The following STXBP5L variants were observed in gnomAD, a reference collection of about 807,000 sequenced individuals.
The protein encoded by STXBP5L is syntaxin binding protein 5L.
In STXBP5L, 65 loss-of-function variants were observed where a neutral mutation model predicts 144.5. The ratio of observed to expected loss-of-function variants is 0.45; its 90% CI spans 0.37 to 0.55. STXBP5L has a LOEUF of 0.55. Among genes scored for constraint, STXBP5L ranks in the 20% least tolerant of loss-of-function variants. The pLI, the probability that STXBP5L is intolerant of heterozygous loss-of-function variation, is 0.00. For missense variants in STXBP5L, 1,298 were observed against 1,405.5 expected (o/e 0.92, Z 1.22); for synonymous variants, 505 against 469.6 (o/e 1.08, Z -0.97).
intron 2 of STXBP5L, among the ~76,000 whole-genome samples, chr3:120,916,365 G>A (rs1253552265): frequency 1.3e-5 from 2 of 152,048 alleles, no homozygotes; most frequent in Admixed American, 6.5e-5. Context: ...CAATGGTGCA[G>A]TCTTGGCTCA....
chr3:121,107,267 G>A (rs1046548863), intron 5 of STXBP5L, among the ~76,000 whole-genome samples: 4 of 152,024 alleles, frequency 2.6e-5, no homozygotes, highest in Non-Finnish European at 5.9e-5. Context: ...TGCTTTTGAT[G>A]TTTTCATCAT....
At chr3:121,014,897 A>G (rs1329147338) in intron 3 of STXBP5L, among the ~76,000 whole-genome samples, 2 of 152,202 alleles carry the variant, frequency 1.3e-5, no homozygotes, top group African/African-American at 4.8e-5. Flanking sequence ...TTGAAAAACT[A>G]AATAAAAATT....
intron 20 of STXBP5L, among the ~76,000 whole-genome samples, chr3:121,320,701 CTTTTT>C (rs533248342): frequency 1.5e-5 from 2 of 134,888 alleles, no homozygotes; most frequent in Non-Finnish European, 3.2e-5. Context: ...AACGACCACA[CTTTTT>C]TTTTTTTTTT....
At chr3:121,331,423 G>A (rs934137782) in intron 20 of STXBP5L, among the ~76,000 whole-genome samples, 2 of 152,162 alleles carry the variant, frequency 1.3e-5, no homozygotes, top group African/African-American at 4.8e-5. Flanking sequence ...TTCCACAGAA[G>A]GAGCATCCTC....
chr3:121,073,287 A>G (rs1032081464), intron 5 of STXBP5L, among the ~76,000 whole-genome samples: 9 of 152,166 alleles, frequency 5.9e-5, no homozygotes, highest in African/African-American at 2.2e-4. Flanking sequence ...CTCCAGGGTT[A>G]TGTAGGGGTT....
At chr3:120,972,452 A>G (rs1383477972) in intron 3 of STXBP5L, among the ~76,000 whole-genome samples, 1 of 152,098 alleles carries the variant, frequency 6.6e-6, no homozygotes, top group African/African-American at 2.4e-5. Context: ...TCATCTATCA[A>G]ATCTAGGAGT....
In STXBP5L at chr3:121,259,172, A is replaced by G; in HGVS notation, c.1958+4A>G. 6.5e-7 allele frequency: 1 copy of G among 1,537,904 alleles called. No individual in the cohort carries two copies. The highest frequency in any genetic ancestry group is 2.4e-5 in the East Asian group (1 of 42,306). On this transcript the variant is annotated splice_donor_region_variant and intron_variant, in intron 18 of 26. Coordinates refer to ENST00000471454, the MANE Select transcript of STXBP5L (RefSeq NM_001308330.2). ...CTGTAAGCTCAGCATATGGAATGTAAGTAATTAAACTTTTTTATGATATGT... is the reference window on the plus strand; with the variant it reads ...CTGTAAGCTCAGCATATGGAATGTAGGTAATTAAACTTTTTTATGATATGT...
At chr3:121,258,747 A>T in intron 17 of STXBP5L, among the ~76,000 whole-genome samples, 1 of 152,154 alleles carries the variant, frequency 6.6e-6, no homozygotes, top group East Asian at 1.9e-4. Flanking sequence ...TACATTAGAA[A>T]AATAATTACA....
chr3:121,118,740 T>C (rs1487395941), intron 6 of STXBP5L, among the ~76,000 whole-genome samples: 1 of 151,430 alleles, frequency 6.6e-6, no homozygotes, highest in East Asian at 1.9e-4. Context: ...AACCAACATA[T>C]TAAAGAAATA....
chr3:120,999,934 G>GC lies in STXBP5L; in HGVS notation c.288-41761dup, dbSNP rs1943639627. Among the ~76,000 whole-genome samples, 4 of 152,068 alleles carry GC rather than the reference G, an allele frequency of 2.6e-5. No homozygotes were observed. In the South Asian group the frequency reaches 8.3e-4, roughly 32 times the overall value. On this transcript the variant is annotated intron_variant, in intron 3 of 26. Transcript: ENST00000471454. Reference sequence around the variant, plus strand: ...TTTTCTTTAATGATGTTGAATATAGGCCCCCAGTCTTTTCTAGCTTACAGG... The same window carrying GC: ...TTTTCTTTAATGATGTTGAATATAGGCCCCCCAGTCTTTTCTAGCTTACAGG...
intron 20 of STXBP5L, 64 bp from the exon 21 acceptor site, chr3:121,378,652 C>T: frequency 6.6e-7 from 1 of 1,513,332 alleles, no homozygotes; most frequent in Non-Finnish European, 8.9e-7. Flanking sequence ...AATCTACACG[C>T]TTGTATTCCT....
chr3:121,316,543 T>A (rs1026817991), intron 19 of STXBP5L, among the ~76,000 whole-genome samples: 1 of 152,242 alleles, frequency 6.6e-6, no homozygotes, highest in African/African-American at 2.4e-5. Flanking sequence ...TTTCTTCCCC[T>A]GTTTTCTTAT....
chr3:121,114,008 A>G (rs1304868571), intron 5 of STXBP5L, among the ~76,000 whole-genome samples: 2 of 152,210 alleles, frequency 1.3e-5, no homozygotes, highest in East Asian at 3.9e-4. Flanking sequence ...AGACAATATC[A>G]TATTGGAAAT....
chr3:121,292,597 T>C (rs1468439091), intron 19 of STXBP5L, among the ~76,000 whole-genome samples: 1 of 152,212 alleles, frequency 6.6e-6, no homozygotes, highest in African/African-American at 2.4e-5. Flanking sequence ...CATGCATGTT[T>C]ATAGCAGCAC....
At chr3:121,162,854 A>C (rs1381945448) in intron 9 of STXBP5L, among the ~76,000 whole-genome samples, 6 of 152,356 alleles carry the variant, frequency 3.9e-5, no homozygotes, top group Non-Finnish European at 8.8e-5. Context: ...GAGAAATGCA[A>C]ATCAAAACCA....
At chr3:120,952,345 T>C (rs1026411894) in intron 2 of STXBP5L, among the ~76,000 whole-genome samples, 1 of 152,154 alleles carries the variant, frequency 6.6e-6, no homozygotes, top group Non-Finnish European at 1.5e-5. Context: ...CTTCAAGTTT[T>C]AAAAGAATAT....
intron 19 of STXBP5L, among the ~76,000 whole-genome samples, chr3:121,314,825 G>GAT (rs910025482): frequency 2.7e-4 from 41 of 152,198 alleles, no homozygotes; most frequent in African/African-American, 9.9e-4. Context: ...ATGGGCAAAG[G>GAT]ATATGAACAG....
Position 121,259,031 on chromosome 3 carries a change from T to C in STXBP5L, c.1833-12T>C, listed in dbSNP as rs772782330. ...TAAGCTGTATATAATAGGATTGTTT[T>C]TGTTCTTAAAGTGTGAAGACACGGC... is the stretch of plus-strand genomic sequence containing the variant. On this transcript the variant is annotated splice_polypyrimidine_tract_variant and intron_variant, in intron 17 of 26. Transcript: ENST00000471454. 6.3e-7 allele frequency: 1 copy of C among 1,587,140 alleles called. No homozygotes were observed. Among genetic ancestry groups the C allele is most frequent in the East Asian group, 2.3e-5 (1 of 43,936 alleles).
intron 22 of STXBP5L, among the ~76,000 whole-genome samples, chr3:121,392,344 C>T (rs1353040519): frequency 6.6e-6 from 1 of 152,150 alleles, no homozygotes; most frequent in Non-Finnish European, 1.5e-5. Context: ...TCCCCCCACC[C>T]CTTGCGCTTC....
Sources: allele counts gnomAD v4.1 joint callset (sites outside exome capture counted in the v4.1 genomes callset), GRCh38; gene constraint gnomAD v4.1.1; transcripts MANE v1.5; gene names NCBI Gene and HGNC (gene_info 2026-07-23, HGNC 2026-07-21).